Variants in TNPO3 observed in about 807,000 individuals in gnomAD.
The protein encoded by TNPO3 is transportin-3.
In TNPO3, 65 loss-of-function variants were observed where a neutral mutation model predicts 122.8. That is an observed-to-expected ratio of 0.53 (90% CI 0.43 to 0.65). TNPO3 has a LOEUF of 0.65. TNPO3 is among the 30% of genes least tolerant of loss of function. TNPO3 has a pLI of 0.00. For missense variants in TNPO3, 850 were observed against 1,136.7 expected, an observed-to-expected ratio of 0.75 and a Z score of 3.63; for synonymous variants, 372 against 411.2, an observed-to-expected ratio of 0.90 and a Z score of 1.15.
chr7:128,999,675 ATC>A (rs1279955738), intron 7 of TNPO3, among the ~76,000 whole-genome samples: 5 of 149,706 alleles, frequency 3.3e-5, no homozygotes, highest in Non-Finnish European at 7.4e-5. Context: ...CAGTGGCCCG[ATC>A]TCAGCTCACT....
intron 4 of TNPO3, among the ~76,000 whole-genome samples, chr7:129,014,435 A>G (rs1005062868): frequency 2.0e-5 from 3 of 152,168 alleles, no homozygotes; most frequent in African/African-American, 7.2e-5. Context: ...AGGTGAGAGG[A>G]TCACTTGAGC....
chr7:128,972,620 T>C, intron 18 of TNPO3, 38 bp from the exon 19 acceptor site: 1 of 1,593,072 alleles, frequency 6.3e-7, no homozygotes, highest in Non-Finnish European at 8.6e-7. Flanking sequence ...AATGACAAGA[T>C]TAGGCTATAA....
chr7:128,997,448 C>G lies in TNPO3; in HGVS notation c.1099G>C (p.Ala367Pro). Residue 367 changes from alanine (A) to proline (P), a missense_variant, in exon 8 of 23, where the codon GCT becomes CCT. Physicochemically the swap from Ala to Pro is conservative, Grantham distance 27. Coordinates refer to ENST00000265388, the MANE Select transcript of TNPO3 (RefSeq NM_012470.4). ...NDEVIHGIFKAYIQRLLHALA... is the reference protein window; with the variant it reads ...NDEVIHGIFKPYIQRLLHALA... ...GCGTGAAGCAGCCTCTGAATGTAAG[C>G]TTTGAAGATGCCATGAATAACTTCA... 1 of 1,614,198 alleles carries G rather than the reference C, an allele frequency of 6.2e-7. No homozygotes were observed. The highest frequency in any genetic ancestry group is 8.5e-7 in the Non-Finnish European group (1 of 1,180,014).
intron 1 of TNPO3, among the ~76,000 whole-genome samples, chr7:129,044,707 T>C (rs1169968787): frequency 1.3e-5 from 2 of 152,224 alleles, no homozygotes; most frequent in African/African-American, 2.4e-5. Flanking sequence ...ACAGGACAGG[T>C]AGTCTGAGTA....
Position 129,001,199 on chromosome 7 carries a change from A to C in TNPO3, c.732T>G (p.Ala244=). 1 of 1,613,000 alleles carries C rather than the reference A, an allele frequency of 6.2e-7. No homozygotes were observed. The highest frequency in any genetic ancestry group is 8.5e-7 in the Non-Finnish European group (1 of 1,179,164). The change falls in exon 6 of 23, where the codon GCT becomes GCG. Residue 244 remains alanine (A), a synonymous_variant. Coordinates refer to ENST00000265388, the MANE Select transcript of TNPO3 (RefSeq NM_012470.4). ...QDKTSSNLHE[A]ASDCVCSALY... is the part of the protein sequence containing the mutation. ...GAGCTGAGCATACACAGTCCGAAGC[A>C]GCTTCATGTAGGTTAGACGAGGTCT...
chr7:128,987,061 T>C, intron 11 of TNPO3, 141 bp from the exon 12 acceptor site: 1 of 797,208 alleles, frequency 1.3e-6, no homozygotes, highest in Non-Finnish European at 1.9e-6. Context: ...AGAACCACAA[T>C]AAATAAAACA....
chr7:128,973,715 G>A (rs1271048878), intron 18 of TNPO3, among the ~76,000 whole-genome samples: 27 of 80,954 alleles, frequency 3.3e-4, no homozygotes, highest in Middle Eastern at 0.015. Context: ...CAGCCTGGGC[G>A]ACAGAGCGAG....
chr7:128,960,335 CA>C (rs879618310), intron 21 of TNPO3, among the ~76,000 whole-genome samples: 83 of 143,302 alleles, frequency 5.8e-4, no homozygotes, highest in South Asian at 1.1e-3. Flanking sequence ...CTTCTACTTA[CA>C]AAAAAAAAAA....
rs1563100298 is a variant in TNPO3, at chr7:129,004,726, T to C, written c.696+290A>G. Among the ~76,000 whole-genome samples, 3 of 152,224 alleles carry C rather than the reference T, an allele frequency of 2.0e-5. No individual in the cohort carries two copies. The South Asian group carries it at 6.2e-4, about 31-fold the overall frequency. On this transcript the variant is annotated intron_variant, in intron 5 of 22. Transcript: ENST00000265388. ...TGACCATTATTGAAATACATAATTTTATATTTTTAAAACAAGGAAAAAGAT... is the reference window on the plus strand; with the variant it reads ...TGACCATTATTGAAATACATAATTTCATATTTTTAAAACAAGGAAAAAGAT...
intron 1 of TNPO3, among the ~76,000 whole-genome samples, chr7:129,028,258 A>G (rs1440078751): frequency 1.3e-5 from 2 of 152,234 alleles, no homozygotes; most frequent in Admixed American, 6.5e-5. Flanking sequence ...CCAATGTTGC[A>G]TATTAAACTG....
rs573064074 is a variant in TNPO3, at chr7:129,002,751, T to C, written c.697-1517A>G. Among the ~76,000 whole-genome samples, 59 of 152,094 alleles carry C rather than the reference T, an allele frequency of 3.9e-4. 4 individuals carry two copies. The South Asian group carries it at 6.8e-3, about 18-fold the overall frequency. ...GGCTAACACAGTGAAACCCTGTCTC[T>C]ACTAAAAATACAAAAAATTGGCCGG... On this transcript the variant is annotated intron_variant, in intron 5 of 22. Coordinates refer to ENST00000265388, the MANE Select transcript of TNPO3 (RefSeq NM_012470.4).
chr7:129,029,675 G>A (rs1411585784), intron 1 of TNPO3: 1 of 152,176 alleles, frequency 6.6e-6, no homozygotes, highest in East Asian at 1.9e-4. Context: ...TCACAGCTGA[G>A]CCAGGCAGAT....
intron 7 of TNPO3, among the ~76,000 whole-genome samples, chr7:128,999,459 C>A (rs1039085514): frequency 6.6e-6 from 1 of 152,220 alleles, no homozygotes; most frequent in East Asian, 1.9e-4. Context: ...AACAAATAAA[C>A]GTTGTCTTGT....
intron 4 of TNPO3, among the ~76,000 whole-genome samples, chr7:129,011,086 G>A (rs1008442900): frequency 6.6e-6 from 1 of 152,116 alleles, no homozygotes; most frequent in Non-Finnish European, 1.5e-5. Context: ...ATTCTCTTGA[G>A]GAACCCCTAC....
intron 4 of TNPO3, among the ~76,000 whole-genome samples, chr7:129,012,598 A>G (rs1377238098): frequency 6.6e-6 from 1 of 152,170 alleles, no homozygotes; most frequent in Non-Finnish European, 1.5e-5. Context: ...AATCCTAAAT[A>G]CTACTTTTTT....
intron 21 of TNPO3, among the ~76,000 whole-genome samples, chr7:128,964,659 A>G (rs1046079507): frequency 2.0e-5 from 3 of 152,118 alleles, no homozygotes; most frequent in Non-Finnish European, 4.4e-5. Flanking sequence ...TAAAGTGAAC[A>G]TTGCAGGCCT....
intron 1 of TNPO3, among the ~76,000 whole-genome samples, chr7:129,050,738 G>C (rs1808661374): frequency 6.6e-6 from 1 of 152,206 alleles, no homozygotes; most frequent in Non-Finnish European, 1.5e-5. Context: ...AACACTGGCA[G>C]TCTAGCTTAT....
At chr7:128,976,840 A>G (rs1799108290) in intron 16 of TNPO3, among the ~76,000 whole-genome samples, 1 of 152,272 alleles carries the variant, frequency 6.6e-6, no homozygotes, top group Non-Finnish European at 1.5e-5. Context: ...TGGAATGAGC[A>G]TGAGATGGGA....
At chr7:128,961,753 G>A (rs537839616) in intron 21 of TNPO3, among the ~76,000 whole-genome samples, 48 of 152,298 alleles carry the variant, frequency 3.2e-4, no homozygotes, top group African/African-American at 1.1e-3. Context: ...TGAGAAATGA[G>A]ATCCTTTTGA....
Sources: gnomAD v4.1 joint callset for allele counts (sites outside exome capture counted in the v4.1 genomes callset) on GRCh38, gnomAD v4.1.1 for gene constraint, MANE v1.5 for transcripts, NCBI Gene and HGNC (gene_info 2026-07-23, HGNC 2026-07-21) for gene names.